The following SLC39A10 variants were observed in gnomAD, a reference collection of about 807,000 sequenced individuals.
SLC39A10 encodes the protein solute carrier family 39 member 10, also known as zinc transporter ZIP10.
A neutral mutation model predicts 65.1 loss-of-function variants in SLC39A10; 13 were observed. The observed-to-expected ratio is 0.20, with a 90% CI of 0.13 to 0.32. The LOEUF (loss-of-function observed/expected upper bound fraction) is 0.32. Ranked by LOEUF, SLC39A10 falls within the 10% of genes least tolerant of loss-of-function variation. The pLI is 1.00. For missense variants in SLC39A10, 831 were observed against 1,018.4 expected (o/e 0.82, Z 2.50); for synonymous variants, 321 against 342.2 (o/e 0.94, Z 0.68).
upstream of SLC39A10, among the ~76,000 whole-genome samples, chr2:195,655,173 T>C (rs1338514102): frequency 6.6e-6 from 1 of 152,172 alleles, no homozygotes; most frequent in African/African-American, 2.4e-5. Flanking sequence ...CACTAGTTCC[T>C]AAAATGTGGA....
At chr2:195,683,574 G>T in intron 2 of SLC39A10, 125 bp from the exon 3 acceptor site, 1 of 673,434 alleles carries the variant, frequency 1.5e-6, no homozygotes, top group Non-Finnish European at 2.4e-6. Context: ...ATTTGTAATA[G>T]ATATCTATGT....
In SLC39A10 at chr2:195,717,294, A is replaced by G. The variant is rs1574308258; in HGVS notation, c.2065+289A>G. The stretch of plus-strand genomic sequence containing the variant: ...AAACTGCTTAACATTATATTTTCAA[A>G]TGTATTTACATATCCCTAAAAGAGA... On this transcript the variant is annotated intron_variant, in intron 7 of 9. Transcript: ENST00000359634. The G allele has an allele frequency of 3.6e-6, 1 of 276,698 alleles. No individual in the cohort carries two copies. Among genetic ancestry groups the G allele is most frequent in the East Asian group, 7.1e-5 (1 of 14,154 alleles). 17.1% of individuals were successfully genotyped at this position (276,698 alleles called of 1,614,324 possible).
In SLC39A10 at chr2:195,624,434, C is replaced by CA. The variant is rs200050997; in HGVS notation, c.-12+18208dup. Among the ~76,000 whole-genome samples, 378 of 137,732 alleles carry CA rather than the reference C, an allele frequency of 2.7e-3. 7 individuals are homozygous for CA. The highest frequency in any genetic ancestry group is 0.026 in the Admixed American group (352 of 13,782). 90.4% of individuals were successfully genotyped at this position (137,732 alleles called of 152,430 possible). On this transcript the variant is annotated intron_variant, in intron 2 of 2. Coordinates refer to the SLC39A10 transcript ENST00000458054. ...AAAGGAAGAAGGCCTAAAAACAAGA[C>CA]AAAAAAATCACTAAAAAATAAAAAA...
At chr2:195,655,847 T>A (rs1262898157), upstream of SLC39A10, among the ~76,000 whole-genome samples, 1 of 152,216 alleles carries the variant, frequency 6.6e-6, no homozygotes, top group Non-Finnish European at 1.5e-5. Flanking sequence ...ACCATTTTCG[T>A]TGTTTTGGAT....
intron 3 of SLC39A10, among the ~76,000 whole-genome samples, chr2:195,692,253 T>C (rs1261898906): frequency 6.6e-6 from 1 of 152,218 alleles, no homozygotes; most frequent in Admixed American, 6.5e-5. Flanking sequence ...TATGGCCTTA[T>C]AGCATAGTTT....
chr2:195,683,952 T>C, intron 3 of SLC39A10, 46 bp downstream of exon 3: 1 of 1,311,162 alleles, frequency 7.6e-7, no homozygotes. Flanking sequence ...GTACCTGTAC[T>C]TACTTTTTAA....
chr2:195,674,588 A>C (rs1388811394), intron 1 of SLC39A10: 1 of 984,738 alleles, frequency 1.0e-6, no homozygotes, highest in Non-Finnish European at 1.2e-6. Flanking sequence ...GCTTTTCTTT[A>C]TTTACCTCCT....
At chr2:195,624,557 AG>A (rs1032309637) in intron 2 of SLC39A10, among the ~76,000 whole-genome samples, 3 of 151,862 alleles carry the variant, frequency 2.0e-5, no homozygotes, top group Non-Finnish European at 4.4e-5. Flanking sequence ...AGAAGGAGGG[AG>A]GGGGTGCACA....
chr2:195,683,940 T>C, intron 3 of SLC39A10, 34 bp downstream of exon 3: 1 of 1,422,508 alleles, frequency 7.0e-7, no homozygotes, highest in East Asian at 2.3e-5. Context: ...CTCCTTAAAA[T>C]AGTACCTGTA....
At chr2:195,699,428 ATC>A (rs1691095342) in intron 3 of SLC39A10, among the ~76,000 whole-genome samples, 1 of 151,652 alleles carries the variant, frequency 6.6e-6, no homozygotes, top group Non-Finnish European at 1.5e-5. Flanking sequence ...GTTAATAATT[ATC>A]TGTTTTTCCC....
intron 2 of SLC39A10, among the ~76,000 whole-genome samples, chr2:195,640,580 A>G (rs1452683482): frequency 6.6e-6 from 1 of 152,198 alleles, no homozygotes; most frequent in Non-Finnish European, 1.5e-5. Flanking sequence ...TTCCCTATGA[A>G]TGCCAACAGT....
chr2:195,721,766 A>G (rs1692054662), intron 8 of SLC39A10, among the ~76,000 whole-genome samples: 1 of 152,038 alleles, frequency 6.6e-6, no homozygotes, highest in Non-Finnish European at 1.5e-5. Flanking sequence ...ATAATCACGC[A>G]TACACCTCCA....
chr2:195,655,409 T>C (rs866277719), upstream of SLC39A10, among the ~76,000 whole-genome samples: 1 of 152,212 alleles, frequency 6.6e-6, no homozygotes, highest in Non-Finnish European at 1.5e-5. Context: ...CTATATCTTA[T>C]TGATATTTGA....
intron 2 of SLC39A10, among the ~76,000 whole-genome samples, chr2:195,642,034 C>G (rs987122100): frequency 1.3e-5 from 2 of 152,096 alleles, no homozygotes; most frequent in African/African-American, 4.8e-5. Context: ...AATTAATCTG[C>G]AGAGATAATA....
chr2:195,629,802 CT>C (rs1264183149), intron 2 of SLC39A10, among the ~76,000 whole-genome samples: 4 of 152,304 alleles, frequency 2.6e-5, no homozygotes, highest in Non-Finnish European at 5.9e-5. Flanking sequence ...GCGATTGTAG[CT>C]CAATGTAGCC....
rs1049743961 is a variant in SLC39A10 at position 195,705,563 on chromosome 2, T to C, written c.1217-1053T>C. On this transcript the variant is annotated intron_variant, in intron 3 of 9. Transcript: ENST00000359634. ...CCTTGTTGTTGAAAATTTTGAGTTA[T>C]TTTGATGAAGAGATGTATTTTTTCA... Among the ~76,000 whole-genome samples the C allele has an allele frequency of 8.7e-4, 133 of 152,182 alleles. 2 individuals are homozygous for C. Among genetic ancestry groups the C allele is most frequent in the Non-Finnish European group, 2.9e-4 (20 of 68,028 alleles).
chr2:195,635,177 C>T (rs1331049685), intron 2 of SLC39A10, among the ~76,000 whole-genome samples: 2 of 152,186 alleles, frequency 1.3e-5, no homozygotes, highest in Admixed American at 1.3e-4. Context: ...TCCTCTTGGG[C>T]AGGTTATTTC....
At chr2:195,640,050 A>T (rs369449478) in intron 2 of SLC39A10, among the ~76,000 whole-genome samples, 31 of 152,276 alleles carry the variant, frequency 2.0e-4, no homozygotes, top group African/African-American at 7.2e-4. Context: ...AATTTCTCAG[A>T]TTTGCCTTTT....
chr2:195,667,764 G>C (rs1689690195), intron 1 of SLC39A10, among the ~76,000 whole-genome samples: 1 of 152,120 alleles, frequency 6.6e-6, no homozygotes, highest in African/African-American at 2.4e-5. Context: ...TAGAGACAGA[G>C]GTTTCTGATT....
Sources: gnomAD v4.1 joint callset for allele counts (sites outside exome capture counted in the v4.1 genomes callset) on GRCh38, gnomAD v4.1.1 for gene constraint, MANE v1.5 for transcripts, NCBI Gene and HGNC (gene_info 2026-07-23, HGNC 2026-07-21) for gene names.